MOCOS: variants seen among roughly 807,000 people sequenced by gnomAD.
The protein encoded by MOCOS is molybdenum cofactor sulfurase.
Under a neutral mutation model 83.6 loss-of-function variants are expected in MOCOS, and 86 were observed. The observed-to-expected ratio is 1.03, with a 90% CI of 0.86 to 1.23. The LOEUF (loss-of-function observed/expected upper bound fraction) is 1.23, where lower values mean the gene tolerates loss of function less well. MOCOS is among the 50% of genes most tolerant of loss of function. The pLI is 0.00. For missense variants in MOCOS, 1,120 were observed against 1,126.9 expected, an observed-to-expected ratio of 0.99 and a Z score of 0.09; for synonymous variants, 445 against 434.7, an observed-to-expected ratio of 1.02 and a Z score of -0.29.
chr18:36,202,166 C>A (rs1363333707), intron 4 of MOCOS, among the ~76,000 whole-genome samples: 2 of 152,122 alleles, frequency 1.3e-5, no homozygotes, highest in African/African-American at 4.8e-5. Flanking sequence ...TAATACTCAA[C>A]CTAAAGGTTT....
chr18:36,241,842 G>A (rs957189126), intron 9 of MOCOS, among the ~76,000 whole-genome samples: 1 of 152,218 alleles, frequency 6.6e-6, no homozygotes, highest in Non-Finnish European at 1.5e-5. Flanking sequence ...AAGGCTTGGG[G>A]CTTGCACCTT....
intron 11 of MOCOS, among the ~76,000 whole-genome samples, chr18:36,254,576 T>C (rs2091634892): frequency 6.6e-6 from 1 of 151,174 alleles, no homozygotes; most frequent in Non-Finnish European, 1.5e-5. Context: ...TTCTTTCCTT[T>C]TCATATATAT....
chr18:36,237,704 A>G (rs1002444602), intron 9 of MOCOS, among the ~76,000 whole-genome samples: 3 of 152,066 alleles, frequency 2.0e-5, no homozygotes, highest in African/African-American at 7.3e-5. Context: ...TTCAGAAGTA[A>G]TGGTACCAGT....
chr18:36,216,070 T>C (rs1393029886), intron 8 of MOCOS, 93 bp downstream of exon 8: 3 of 1,303,670 alleles, frequency 2.3e-6, no homozygotes, highest in Non-Finnish European at 1.1e-6. Context: ...AAAATCAAAA[T>C]CATTCATCAG....
intron 12 of MOCOS, among the ~76,000 whole-genome samples, chr18:36,258,024 G>A (rs556130480): frequency 6.6e-6 from 1 of 152,190 alleles, no homozygotes; most frequent in African/African-American, 2.4e-5. Context: ...GAGAGCAAAA[G>A]TGTGATGCAG....
intron 9 of MOCOS, among the ~76,000 whole-genome samples, chr18:36,223,707 A>G (rs1032076950): frequency 2.0e-5 from 3 of 152,206 alleles, no homozygotes; most frequent in African/African-American, 7.2e-5. Flanking sequence ...AACAATATTA[A>G]TTCTTCTAAT....
intron 4 of MOCOS, among the ~76,000 whole-genome samples, chr18:36,201,987 G>A (rs768141331): frequency 2.9e-4 from 44 of 152,192 alleles, no homozygotes; most frequent in Admixed American, 1.7e-3. Context: ...GCAGCTCACT[G>A]GGGGCCAGGG....
intron 11 of MOCOS, among the ~76,000 whole-genome samples, chr18:36,255,018 A>AC (rs1318825589): frequency 3.9e-5 from 6 of 152,088 alleles, no homozygotes; most frequent in African/African-American, 1.4e-4. Flanking sequence ...GAGCCTTTGC[A>AC]CCCAGCCCAT....
At chr18:36,213,968 A>C (rs981800967) in intron 7 of MOCOS, among the ~76,000 whole-genome samples, 7 of 125,176 alleles carry the variant, frequency 5.6e-5, no homozygotes, top group African/African-American at 2.1e-4. Context: ...GAAGCCGGGC[A>C]CGGTGGCTCA....
chr18:36,219,499 T>G (rs1233635971), intron 8 of MOCOS, among the ~76,000 whole-genome samples: 1 of 151,856 alleles, frequency 6.6e-6, no homozygotes, highest in Non-Finnish European at 1.5e-5. Flanking sequence ...GCTAACATGG[T>G]GAAACCCTGT....
intron 6 of MOCOS, among the ~76,000 whole-genome samples, chr18:36,211,217 G>A (rs2091454450): frequency 6.6e-6 from 1 of 152,102 alleles, no homozygotes; most frequent in African/African-American, 2.4e-5. Flanking sequence ...TTTTCATCAG[G>A]GGATGTGTAA....
At chr18:36,246,766 G>A (rs964733454) in intron 9 of MOCOS, among the ~76,000 whole-genome samples, 1 of 152,202 alleles carries the variant, frequency 6.6e-6, no homozygotes, top group Non-Finnish European at 1.5e-5. Context: ...CTTATGAGTT[G>A]CTGTAATGGC....
intron 9 of MOCOS, among the ~76,000 whole-genome samples, chr18:36,224,206 G>C (rs1477204490): frequency 6.6e-6 from 1 of 152,008 alleles, no homozygotes; most frequent in East Asian, 1.9e-4. Context: ...AGAATTTTTT[G>C]AATATATAAG....
At chr18:36,189,312 T>C (rs1399982288) in intron 1 of MOCOS, among the ~76,000 whole-genome samples, 1 of 152,212 alleles carries the variant, frequency 6.6e-6, no homozygotes, top group African/African-American at 2.4e-5. Context: ...TGTGGGCATC[T>C]TTTATTTAAT....
chr18:36,223,780 A>C (rs1159424893), intron 9 of MOCOS, among the ~76,000 whole-genome samples: 1 of 152,000 alleles, frequency 6.6e-6, no homozygotes, highest in Non-Finnish European at 1.5e-5. Flanking sequence ...TTCTTTCATC[A>C]ATGTTTTGTA....
At chr18:36,245,397 C>T (rs186536286) in intron 9 of MOCOS, among the ~76,000 whole-genome samples, 1 of 152,220 alleles carries the variant, frequency 6.6e-6, no homozygotes, top group East Asian at 1.9e-4. Flanking sequence ...CTTTGTTTCA[C>T]TGGATGCAAA....
At chr18:36,223,859 T>C (rs992792808) in intron 9 of MOCOS, among the ~76,000 whole-genome samples, 2 of 152,174 alleles carry the variant, frequency 1.3e-5, no homozygotes, top group African/African-American at 4.8e-5. Flanking sequence ...AGATTTAGGG[T>C]CTCACTCTGT....
At chr18:36,252,258 C>T (rs1386221411) in intron 11 of MOCOS, among the ~76,000 whole-genome samples, 1 of 152,108 alleles carries the variant, frequency 6.6e-6, no homozygotes, top group Non-Finnish European at 1.5e-5. Flanking sequence ...TGGTAGCTCA[C>T]ACCTGTAATC....
intron 12 of MOCOS, among the ~76,000 whole-genome samples, chr18:36,257,856 T>C (rs768910529): frequency 4.6e-5 from 7 of 152,158 alleles, no homozygotes; most frequent in Non-Finnish European, 1.0e-4. Context: ...TACACACACA[T>C]ACATATTTGC....
Sources: gnomAD v4.1 joint callset for allele counts (sites outside exome capture counted in the v4.1 genomes callset) on GRCh38, gnomAD v4.1.1 for gene constraint, MANE v1.5 for transcripts, NCBI Gene and HGNC (gene_info 2026-07-23, HGNC 2026-07-21) for gene names.